Variants in EFCAB7 observed in about 807,000 individuals in gnomAD.
EFCAB7 encodes EF-hand calcium binding domain 7.
In EFCAB7, 66 loss-of-function variants were observed where a neutral mutation model predicts 77.1. That is an observed-to-expected ratio of 0.86 (90% CI 0.70 to 1.05). The LOEUF (loss-of-function observed/expected upper bound fraction) is 1.05, where lower values mean the gene tolerates loss of function less well. EFCAB7 is among the 50% of genes least tolerant of loss of function. The pLI is 0.00. For missense variants in EFCAB7, 638 were observed against 730.5 expected (o/e 0.87, Z 1.46); for synonymous variants, 225 against 243.3 (o/e 0.92, Z 0.70).
At chr1:63,579,456 C>T in the EFCAB7 span, among the ~76,000 whole-genome samples, 1 of 152,186 alleles carries the variant, frequency 6.6e-6, no homozygotes, top group African/African-American at 2.4e-5. Context: ...ATGCATTCAT[C>T]TGCTGGGTGG....
chr1:63,542,247 C>T (rs1318101633), intron 6 of EFCAB7, among the ~76,000 whole-genome samples: 1 of 152,212 alleles, frequency 6.6e-6, no homozygotes, highest in African/African-American at 2.4e-5. Context: ...AGCATAATGT[C>T]TTCAAGACTC....
At chr1:63,533,334 T>C (rs1646723187) in intron 4 of EFCAB7, 120 bp from the exon 5 acceptor site, 5 of 695,596 alleles carry the variant, frequency 7.2e-6, no homozygotes, top group East Asian at 3.0e-5. Context: ...TGCGTAACCA[T>C]CAATAGGAAA....
At chr1:63,542,275 G>A (rs1484652506) in intron 6 of EFCAB7, among the ~76,000 whole-genome samples, 1 of 152,190 alleles carries the variant, frequency 6.6e-6, no homozygotes. Flanking sequence ...TATAGCATGT[G>A]CCAGAATTTT....
chr1:63,541,875 T>C (rs1339053516), intron 6 of EFCAB7, among the ~76,000 whole-genome samples: 3 of 152,120 alleles, frequency 2.0e-5, no homozygotes, highest in Non-Finnish European at 4.4e-5. Context: ...AACACAATTT[T>C]TAATCATAGA....
In EFCAB7 at chr1:63,545,987, C is replaced by T; in HGVS notation, c.876C>T (p.Tyr292=). 6.2e-7 allele frequency: 1 copy of T among 1,613,632 alleles called. No individual in the cohort carries two copies. The stretch of plus-strand genomic sequence containing the variant: ...ATGGTGAAATCATTAGTCATCAGTA[C>T]AGGATGCAAATAGCTCAGAGGTCCA... ...EEDGEIISHQ[Y]RMQIAQRSMV... The change falls in exon 7 of 14, where the codon TAC becomes TAT. Residue 292 remains tyrosine, a synonymous_variant. Transcript: ENST00000371088.
chr1:63,554,023 A>G lies in EFCAB7; in HGVS notation c.1057-1335A>G, dbSNP rs181474985. Reference sequence around the variant, plus strand: ...TTATTTTTAGAGATAGGATCTCGCTATGTTGTCCAGGCTGGTCTCCAATTC... The same window carrying G: ...TTATTTTTAGAGATAGGATCTCGCTGTGTTGTCCAGGCTGGTCTCCAATTC... On this transcript the variant is annotated intron_variant, in intron 8 of 13. Transcript: ENST00000371088. 1.7e-4 allele frequency among the ~76,000 whole-genome samples: 26 copies of G among 152,032 alleles called. No homozygotes were observed. The East Asian group carries it at 4.1e-3, about 24-fold the overall frequency.
intron 10 of EFCAB7, 25 bp from the exon 11 acceptor site, chr1:63,561,684 A>G (rs1322284384): frequency 6.6e-7 from 1 of 1,516,856 alleles, no homozygotes; most frequent in South Asian, 1.3e-5. Context: ...ATTATGTAAG[A>G]AAAAACTTTT....
At chr1:63,534,338 G>A (rs971518536) in intron 6 of EFCAB7, 122 bp downstream of exon 6, 1 of 784,914 alleles carries the variant, frequency 1.3e-6, no homozygotes, top group Non-Finnish European at 1.9e-6. Flanking sequence ...AGGTTTTTCT[G>A]TGTAATTTCT....
intron 6 of EFCAB7, among the ~76,000 whole-genome samples, chr1:63,545,261 AC>A (rs1213521088): frequency 6.6e-6 from 1 of 151,350 alleles, no homozygotes; most frequent in African/African-American, 2.4e-5. Flanking sequence ...TCTTTTCCTA[AC>A]TTTTCATTAT....
the EFCAB7 span, among the ~76,000 whole-genome samples, chr1:63,585,258 A>T: frequency 5.3e-5 from 8 of 151,846 alleles, no homozygotes; most frequent in East Asian, 1.2e-3. Flanking sequence ...CATTTGGTCC[A>T]TTTTATCTAA....
the EFCAB7 span, among the ~76,000 whole-genome samples, chr1:63,578,404 A>G: frequency 6.6e-6 from 1 of 151,334 alleles, no homozygotes; most frequent in Non-Finnish European, 1.5e-5. Context: ...GTCAGAGAAG[A>G]TAGATTGTGA....
At chr1:63,553,840 CTGTT>C (rs1323881483) in intron 8 of EFCAB7, among the ~76,000 whole-genome samples, 5 of 151,600 alleles carry the variant, frequency 3.3e-5, no homozygotes, top group East Asian at 2.0e-4. Flanking sequence ...TTTTGTTTGT[CTGTT>C]TGTTTATTTA....
At chr1:63,525,857 A>T in intron 2 of EFCAB7, 98 bp downstream of exon 2, 3 of 804,122 alleles carry the variant, frequency 3.7e-6, no homozygotes. Flanking sequence ...GAATCATCCC[A>T]GTTTCTTAGT....
the EFCAB7 span, among the ~76,000 whole-genome samples, chr1:63,583,493 C>T: frequency 6.6e-6 from 1 of 152,054 alleles, no homozygotes; most frequent in African/African-American, 2.4e-5. Context: ...TGTCCCTGGC[C>T]ACACGGAACC....
chr1:63,584,166 T>G, the EFCAB7 span, among the ~76,000 whole-genome samples: 1 of 152,326 alleles, frequency 6.6e-6, no homozygotes, highest in East Asian at 1.9e-4. Flanking sequence ...ACTTTTGACT[T>G]CTTTTGCAAC....
chr1:63,556,580 C>G (rs549709464), intron 9 of EFCAB7, among the ~76,000 whole-genome samples: 2 of 152,110 alleles, frequency 1.3e-5, no homozygotes, highest in African/African-American at 4.8e-5. Context: ...TGAGTTCTTA[C>G]TGTGTGTTGA....
chr1:63,538,809 A>G (rs149557213), intron 6 of EFCAB7, among the ~76,000 whole-genome samples: 41 of 152,318 alleles, frequency 2.7e-4, no homozygotes, highest in African/African-American at 9.6e-4. Context: ...GGCAGATCTT[A>G]AGTTGAATGT....
At chr1:63,537,126 A>G (rs138521679) in intron 6 of EFCAB7, among the ~76,000 whole-genome samples, 128 of 152,332 alleles carry the variant, frequency 8.4e-4, no homozygotes, top group Middle Eastern at 3.4e-3. Context: ...TCCATTGGCC[A>G]TACTTAGTTA....
At chr1:63,568,115 A>G (rs1647190038) in intron 11 of EFCAB7, among the ~76,000 whole-genome samples, 195 bp from the exon 12 acceptor site, 2 of 152,196 alleles carry the variant, frequency 1.3e-5, no homozygotes, top group African/African-American at 4.8e-5. Flanking sequence ...TATGAACATT[A>G]TCAGTTAATA....
Sources: gnomAD v4.1 joint callset for allele counts (sites outside exome capture counted in the v4.1 genomes callset) on GRCh38, gnomAD v4.1.1 for gene constraint, MANE v1.5 for transcripts, NCBI Gene and HGNC (gene_info 2026-07-23, HGNC 2026-07-21) for gene names.